The following SYTL5 variants were observed in gnomAD, a reference collection of about 807,000 sequenced individuals.
SYTL5 encodes the protein synaptotagmin-like protein 5.
A neutral mutation model predicts 55.9 loss-of-function variants in SYTL5; 34 were observed. The observed-to-expected ratio is 0.61, with a 90% CI of 0.46 to 0.81. The LOEUF is 0.81. Ranked by LOEUF, SYTL5 falls within the 30% of genes least tolerant of loss-of-function variation. SYTL5 has a pLI of 0.00. For synonymous variants in SYTL5, 221 were observed against 188.7 expected, an observed-to-expected ratio of 1.17 and a Z score of -1.40; for missense variants, 637 against 546.7, an observed-to-expected ratio of 1.17 and a Z score of -1.65.
intron 3 of SYTL5, among the ~76,000 whole-genome samples, chrX:38,054,725 A>G (rs761616876): frequency 2.7e-5 from 3 of 109,850 alleles, no homozygotes; most frequent in East Asian, 5.7e-4. Context: ...TTTCTTTTTA[A>G]TCATTATTAA....
intron 2 of SYTL5, among the ~76,000 whole-genome samples, chrX:38,043,194 C>G (rs1047988593): frequency 1.8e-5 from 2 of 111,038 alleles, no homozygotes; most frequent in Non-Finnish European, 3.8e-5. Context: ...TTTTAAAATA[C>G]CATAAACCTC....
chrX:38,083,212 G>C (rs984828850), intron 6 of SYTL5, among the ~76,000 whole-genome samples: 1 of 110,969 alleles, frequency 9.0e-6, no homozygotes, highest in Non-Finnish European at 1.9e-5. Context: ...TAAGACATTT[G>C]ATCAGAATTT....
the SYTL5 span, among the ~76,000 whole-genome samples, chrX:37,955,295 C>G: frequency 8.9e-6 from 1 of 112,028 alleles, no homozygotes; most frequent in African/African-American, 3.2e-5. Flanking sequence ...ACACATTGGT[C>G]TCTTTCCAGG....
chrX:37,952,592 T>C, the SYTL5 span, among the ~76,000 whole-genome samples: 2 of 110,833 alleles, frequency 1.8e-5, no homozygotes, highest in African/African-American at 6.6e-5. Context: ...GGGCCAGGGA[T>C]TGCTTTCTGG....
At chrX:38,008,657 G>T (rs935090994) in intron 1 of SYTL5, among the ~76,000 whole-genome samples, 1 of 107,948 alleles carries the variant, frequency 9.3e-6, no homozygotes, top group African/African-American at 3.3e-5. Flanking sequence ...ATTTCTCTAA[G>T]AAGTGATTAA....
the SYTL5 span, among the ~76,000 whole-genome samples, chrX:37,951,308 T>C: frequency 8.9e-6 from 1 of 111,920 alleles, no homozygotes; most frequent in Non-Finnish European, 1.9e-5. Context: ...CATGTATTAA[T>C]AGCAAGAAAA....
At chrX:37,905,743 G>T in the SYTL5 span, among the ~76,000 whole-genome samples, 1 of 112,030 alleles carries the variant, frequency 8.9e-6, no homozygotes. Flanking sequence ...GGTCAGCCCG[G>T]GGTCATGGGG....
the SYTL5 span, among the ~76,000 whole-genome samples, chrX:37,889,085 T>A: frequency 1.8e-5 from 2 of 111,675 alleles, no homozygotes; most frequent in African/African-American, 3.3e-5. Flanking sequence ...TGGAGAGAAA[T>A]TTGAGATGCT....
rs1198175474 is a variant in SYTL5, at chrX:38,072,105, C to G, written c.388C>G (p.Gln130Glu). The change falls in exon 4 of 17, where the codon CAA (glutamine) becomes GAA (glutamate). Residue 130 changes from glutamine (Q) to glutamate (E), a missense_variant. By Grantham distance (29) the Gln-to-Glu change is conservative (BLOSUM62 2). Coordinates refer to ENST00000297875, the MANE Select transcript of SYTL5 (RefSeq NM_138780.3). The part of the protein sequence containing the change: ...FFEEKAKRFK[Q>E]VNVLGTDVVR... ...TGAAGAAAAGGCAAAACGTTTCAAG[C>G]AAGTCAATGTTCTCGGCACTGATGT... 7 of 1,209,069 alleles carry G rather than the reference C, an allele frequency of 5.8e-6. No individual in the cohort carries two copies. In the African/African-American group the frequency reaches 1.2e-4, roughly 21 times the overall value.
chrX:38,115,237 C>T (rs1247866838), intron 13 of SYTL5, among the ~76,000 whole-genome samples: 1 of 104,215 alleles, frequency 9.6e-6, no homozygotes, highest in African/African-American at 3.8e-5. Flanking sequence ...GTAATCCCAG[C>T]ACTTTGGGAG....
chrX:38,044,389 T>C (rs1204018490), intron 2 of SYTL5, among the ~76,000 whole-genome samples: 1 of 112,002 alleles, frequency 8.9e-6, no homozygotes, highest in Non-Finnish European at 1.9e-5. Flanking sequence ...CCCACCACAT[T>C]TAAAATAATT....
At chrX:38,060,327 G>C (rs1406870582) in intron 3 of SYTL5, among the ~76,000 whole-genome samples, 1 of 111,748 alleles carries the variant, frequency 8.9e-6, no homozygotes, top group Admixed American at 9.5e-5. Flanking sequence ...TTCGGAGATT[G>C]TTTTAGAAGC....
intron 15 of SYTL5, among the ~76,000 whole-genome samples, chrX:38,124,027 A>ATTT (rs1321248542): frequency 1.8e-5 from 2 of 111,641 alleles, no homozygotes; most frequent in Non-Finnish European, 3.8e-5. Flanking sequence ...TAAGGTCCCC[A>ATTT]GTGCAGGTAT....
intron 2 of SYTL5, among the ~76,000 whole-genome samples, 176 bp from the exon 3 acceptor site, chrX:38,054,037 C>A (rs1050447276): frequency 8.9e-6 from 1 of 111,893 alleles, no homozygotes; most frequent in East Asian, 2.8e-4. Flanking sequence ...TTGAAACTAG[C>A]GACACCAAAT....
chrX:38,051,903 C>T (rs1935633802), intron 2 of SYTL5, among the ~76,000 whole-genome samples: 1 of 111,341 alleles, frequency 9.0e-6, no homozygotes, highest in South Asian at 3.8e-4. Context: ...AAGCAGGGTT[C>T]CTTCTGTTCT....
intron 2 of SYTL5, among the ~76,000 whole-genome samples, chrX:38,052,725 G>A (rs747183633): frequency 1.8e-5 from 2 of 112,171 alleles, no homozygotes; most frequent in East Asian, 2.8e-4. Flanking sequence ...GAAGATGCTA[G>A]TCTAGATGGG....
At chrX:38,002,720 T>C (rs775578732), upstream of SYTL5, among the ~76,000 whole-genome samples, 14 of 112,264 alleles carry the variant, frequency 1.2e-4, no homozygotes, top group African/African-American at 4.5e-4. Flanking sequence ...TTGTTTGTCT[T>C]TTTTCTTGTA....
the SYTL5 span, among the ~76,000 whole-genome samples, chrX:37,929,113 A>C: frequency 2.7e-5 from 3 of 112,732 alleles, no homozygotes; most frequent in East Asian, 5.6e-4. Context: ...CAAAGCCCAG[A>C]TCTTACAATG....
At chrX:38,082,591 A>G (rs778549247) in intron 6 of SYTL5, among the ~76,000 whole-genome samples, 4 of 112,738 alleles carry the variant, frequency 3.5e-5, no homozygotes, top group African/African-American at 1.3e-4. Flanking sequence ...GGCTGGGATA[A>G]CTAAACAAAT....
Sources: gnomAD v4.1 joint callset for allele counts (sites outside exome capture counted in the v4.1 genomes callset) on GRCh38, gnomAD v4.1.1 for gene constraint, MANE v1.5 for transcripts, NCBI Gene and HGNC (gene_info 2026-07-23, HGNC 2026-07-21) for gene names.